Variants in APIP observed in about 807,000 individuals in gnomAD.
The protein encoded by APIP is methylthioribulose-1-phosphate dehydratase.
Under a neutral mutation model 32.0 loss-of-function variants are expected in APIP, and 32 were observed. The ratio of observed to expected loss-of-function variants is 1.00; its 90% CI spans 0.76 to 1.34. The LOEUF is 1.34. Among genes scored for constraint, APIP ranks in the 40% most tolerant of loss-of-function variants. The pLI is 0.00. For synonymous variants in APIP, 92 were observed against 94.8 expected (o/e 0.97, Z 0.17); for missense variants, 247 against 298.6 (o/e 0.83, Z 1.27).
chr11:34,913,492 T>C (rs1853591538), intron 1 of APIP, among the ~76,000 whole-genome samples: 1 of 151,952 alleles, frequency 6.6e-6, no homozygotes, highest in South Asian at 2.1e-4. Context: ...GTGTTACAGC[T>C]CTTAAAGGTG....
At chr11:34,888,668 A>G in intron 4 of APIP, 84 bp downstream of exon 4, 1 of 1,239,348 alleles carries the variant, frequency 8.1e-7, no homozygotes, top group Non-Finnish European at 1.1e-6. Flanking sequence ...GTATCCAAGA[A>G]ATGTTAACTG....
intron 2 of APIP, among the ~76,000 whole-genome samples, chr11:34,891,052 T>G (rs1853178015): frequency 6.6e-6 from 1 of 152,138 alleles, no homozygotes. Context: ...GACAGTTTCT[T>G]AAATTACTGT....
intron 5 of APIP, among the ~76,000 whole-genome samples, chr11:34,885,681 G>T (rs530608773): frequency 3.3e-5 from 5 of 152,142 alleles, no homozygotes; most frequent in African/African-American, 1.2e-4. Context: ...ACTTCAAGGA[G>T]CCCGGTGCCA....
At chr11:34,883,676 T>A (rs1222650779) in intron 5 of APIP, among the ~76,000 whole-genome samples, 172 bp from the exon 6 acceptor site, 1 of 152,190 alleles carries the variant, frequency 6.6e-6, no homozygotes, top group African/African-American at 2.4e-5. Flanking sequence ...TATAAACATC[T>A]CTATCAAAAG....
chr11:34,890,945 T>C (rs1308330776), intron 2 of APIP, among the ~76,000 whole-genome samples: 1 of 152,144 alleles, frequency 6.6e-6, no homozygotes, highest in Non-Finnish European at 1.5e-5. Flanking sequence ...CTGGAAAATA[T>C]GCTCAATAGA....
At position 34,894,993 on chromosome 11, in the gene APIP, G is replaced by A. The variant is rs761893388; in HGVS notation, c.158+17C>T. ...CAAATGGAGAGTTCCCAGTAATAAA[G>A]GCTGCCAGAAACTTACCCATGCTTC... On this transcript the variant is annotated intron_variant, in intron 2 of 6. Transcript: ENST00000395787. 6.2e-7 allele frequency: 1 copy of A among 1,601,522 alleles called. No homozygotes were observed. The highest frequency in any genetic ancestry group is 1.3e-5 in the African/African-American group (1 of 74,622).
intron 5 of APIP, among the ~76,000 whole-genome samples, chr11:34,885,182 G>GTA (rs1455839576): frequency 2.0e-5 from 3 of 146,546 alleles, no homozygotes; most frequent in South Asian, 2.1e-4. Flanking sequence ...AACTATATAT[G>GTA]TATATATATA....
intron 1 of APIP, among the ~76,000 whole-genome samples, chr11:34,911,313 CAT>C (rs1163084374): frequency 6.6e-6 from 1 of 151,944 alleles, no homozygotes; most frequent in East Asian, 1.9e-4. Flanking sequence ...TCAGTGTCAA[CAT>C]ATATAGGACA....
chr11:34,915,342 TATTCA>T (rs1388568469), intron 1 of APIP, among the ~76,000 whole-genome samples: 1 of 152,196 alleles, frequency 6.6e-6, no homozygotes, highest in Non-Finnish European at 1.5e-5. Flanking sequence ...GGAAGTCACT[TATTCA>T]AACAAGAAAG....
chr11:34,903,972 A>AC (rs1853404155), intron 1 of APIP, among the ~76,000 whole-genome samples: 1 of 152,216 alleles, frequency 6.6e-6, no homozygotes, highest in Non-Finnish European at 1.5e-5. Context: ...TACCAAAAAC[A>AC]GTCAAGCAAG....
intron 1 of APIP, among the ~76,000 whole-genome samples, chr11:34,900,232 T>C (rs1216843550): frequency 6.6e-6 from 1 of 152,212 alleles, no homozygotes; most frequent in Non-Finnish European, 1.5e-5. Flanking sequence ...TTACCAGCCA[T>C]GGCAGGCAAG....
At chr11:34,909,538 C>A (rs184730472) in intron 1 of APIP, among the ~76,000 whole-genome samples, 65 of 151,996 alleles carry the variant, frequency 4.3e-4, no homozygotes, top group African/African-American at 1.5e-3. Context: ...TGAATGAGTA[C>A]GTGTGTGTGT....
At chr11:34,916,193 C>G in intron 1 of APIP, 35 bp downstream of exon 1, 1 of 1,600,068 alleles carries the variant, frequency 6.2e-7, no homozygotes, top group Non-Finnish European at 8.5e-7. Context: ...GCCTCTCCTC[C>G]TGGGAATACC....
At chr11:34,895,330 C>T (rs1229112313) in intron 1 of APIP, among the ~76,000 whole-genome samples, 22 of 152,066 alleles carry the variant, frequency 1.4e-4, no homozygotes, top group Non-Finnish European at 4.4e-5. Flanking sequence ...CGGTATAGGG[C>T]CATATAGTCC....
At chr11:34,905,497 T>G (rs1853434436) in intron 1 of APIP, among the ~76,000 whole-genome samples, 1 of 152,206 alleles carries the variant, frequency 6.6e-6, no homozygotes, top group African/African-American at 2.4e-5. Flanking sequence ...ACACTCTGCC[T>G]GAAGATAAGC....
chr11:34,913,235 T>TA (rs775420441), intron 1 of APIP, among the ~76,000 whole-genome samples: 32 of 152,204 alleles, frequency 2.1e-4, no homozygotes, highest in Admixed American at 7.2e-4. Context: ...GCCCTTAGTT[T>TA]AAAAATCTAA....
chr11:34,886,591 CCACT>C (rs1463797275), intron 5 of APIP, among the ~76,000 whole-genome samples: 2 of 152,344 alleles, frequency 1.3e-5, no homozygotes, highest in Middle Eastern at 3.4e-3. Context: ...CATTTACTCA[CCACT>C]CACTCACTTA....
chr11:34,911,820 C>T (rs1853556673), intron 1 of APIP, among the ~76,000 whole-genome samples: 2 of 152,126 alleles, frequency 1.3e-5, no homozygotes, highest in South Asian at 2.1e-4. Flanking sequence ...TATGAAATGA[C>T]CTTCCCCTCC....
chr11:34,909,987 G>C (rs1347550881), intron 1 of APIP, among the ~76,000 whole-genome samples: 2 of 152,154 alleles, frequency 1.3e-5, no homozygotes, highest in East Asian at 3.8e-4. Flanking sequence ...GCTGAGTATG[G>C]CAACAGGGTA....
Sources: allele counts gnomAD v4.1 joint callset (sites outside exome capture counted in the v4.1 genomes callset), GRCh38; gene constraint gnomAD v4.1.1; transcripts MANE v1.5; gene names NCBI Gene and HGNC (gene_info 2026-07-23, HGNC 2026-07-21).